The following ARAP2 variants were observed in gnomAD, a reference collection of about 807,000 sequenced individuals.
The protein encoded by ARAP2 is arf-GAP with Rho-GAP domain, ANK repeat and PH domain-containing protein 2.
A neutral mutation model predicts 194.5 loss-of-function variants in ARAP2; 148 were observed. That is an observed-to-expected ratio of 0.76 (90% CI 0.67 to 0.87). ARAP2 has a LOEUF of 0.87. Ranked by LOEUF, ARAP2 falls within the 40% of genes least tolerant of loss-of-function variation. The pLI, the probability that ARAP2 is intolerant of heterozygous loss-of-function variation, is 0.00. For synonymous variants in ARAP2, 695 were observed against 683.5 expected (o/e 1.02, Z -0.26); for missense variants, 2,128 against 1,989.7 (o/e 1.07, Z -1.32).
chr4:36,098,277 A>T (rs1715875467), intron 27 of ARAP2, among the ~76,000 whole-genome samples: 1 of 151,966 alleles, frequency 6.6e-6, no homozygotes, highest in Non-Finnish European at 1.5e-5. Flanking sequence ...GCAATCAATC[A>T]TTATTCTTTC....
chr4:36,105,826 C>T (rs1718264020), intron 27 of ARAP2, among the ~76,000 whole-genome samples: 1 of 151,942 alleles, frequency 6.6e-6, no homozygotes, highest in African/African-American at 2.4e-5. Flanking sequence ...TAATTCTTAT[C>T]CATTTTTATT....
chr4:36,148,286 A>T, intron 17 of ARAP2, 119 bp downstream of exon 17: 1 of 681,752 alleles, frequency 1.5e-6, no homozygotes, highest in Non-Finnish European at 2.4e-6. Context: ...AATCTAATGA[A>T]GTATGAACTT....
intron 27 of ARAP2, among the ~76,000 whole-genome samples, chr4:36,102,555 TAAG>T (rs1202044969): frequency 1.3e-5 from 2 of 152,012 alleles, no homozygotes; most frequent in Non-Finnish European, 2.9e-5. Context: ...CAAGAAAAAC[TAAG>T]AAATGATATT....
chr4:36,228,637 G>A lies in ARAP2; in HGVS notation c.850C>T (p.Leu284=), dbSNP rs1179135692. ...LVSRPSRSFL[L]RHRPVPEIPG... is the part of the protein sequence containing the mutation. ...ATCTCTGGTACAGGTCGATGTCTTA[G>A]CAGAAAAGATCGAGATGGTCTTGAA... is the stretch of plus-strand genomic sequence containing the variant. Residue 284 remains leucine (L), a synonymous_variant, in exon 2 of 33, where the codon CTA becomes TTA. Transcript: ENST00000303965. 1 of 1,613,860 alleles carries A rather than the reference G, an allele frequency of 6.2e-7. No individual in the cohort carries two copies. The highest frequency in any genetic ancestry group is 8.5e-7 in the Non-Finnish European group (1 of 1,179,944).
intron 22 of ARAP2, among the ~76,000 whole-genome samples, chr4:36,123,035 G>C (rs1298795254): frequency 6.6e-6 from 1 of 151,802 alleles, no homozygotes; most frequent in Non-Finnish European, 1.5e-5. Context: ...AGCAGAGATG[G>C]TGCAAGTGCA....
chr4:36,115,694 T>G (rs1272748427), intron 25 of ARAP2, among the ~76,000 whole-genome samples: 5 of 152,040 alleles, frequency 3.3e-5, no homozygotes, highest in Non-Finnish European at 7.4e-5. Flanking sequence ...TCCATTCTTA[T>G]AAACTCGGAA....
At chr4:36,165,336 A>C (rs1470331291) in intron 10 of ARAP2, among the ~76,000 whole-genome samples, 1 of 152,212 alleles carries the variant, frequency 6.6e-6, no homozygotes, top group Non-Finnish European at 1.5e-5. Flanking sequence ...ATCTTGAACC[A>C]AAATTAACAT....
chr4:36,084,064 G>A (rs1230028005), intron 28 of ARAP2, among the ~76,000 whole-genome samples: 4 of 151,966 alleles, frequency 2.6e-5, no homozygotes, highest in East Asian at 1.9e-4. Context: ...AGGGGCTCTC[G>A]GCCTTCAGTC....
intron 28 of ARAP2, among the ~76,000 whole-genome samples, chr4:36,087,306 G>A (rs1432661244): frequency 1.3e-5 from 2 of 152,026 alleles, no homozygotes; most frequent in African/African-American, 4.8e-5. Flanking sequence ...TCTCTCATCT[G>A]CTTTTCAAAA....
chr4:36,150,059 T>C (rs1023183054), intron 16 of ARAP2, among the ~76,000 whole-genome samples: 2 of 152,202 alleles, frequency 1.3e-5, no homozygotes, highest in Non-Finnish European at 2.9e-5. Context: ...ATTTAAACCA[T>C]AGTAGATGTG....
intron 19 of ARAP2, among the ~76,000 whole-genome samples, chr4:36,144,663 G>A (rs923640227): frequency 6.6e-6 from 1 of 151,698 alleles, no homozygotes; most frequent in Non-Finnish European, 1.5e-5. Context: ...AGGAAAGGCA[G>A]GTTCAGATAA....
At chr4:36,219,079 G>A (rs1325108311) in intron 2 of ARAP2, among the ~76,000 whole-genome samples, 2 of 152,140 alleles carry the variant, frequency 1.3e-5, no homozygotes, top group African/African-American at 2.4e-5. Flanking sequence ...ACACACAAAT[G>A]TTGAGGGTAT....
intron 32 of ARAP2, among the ~76,000 whole-genome samples, chr4:36,069,964 A>G (rs1726436340): frequency 6.6e-6 from 1 of 152,022 alleles, no homozygotes; most frequent in South Asian, 2.1e-4. Context: ...TGCTCCAGCC[A>G]TGTAAGATGT....
chr4:36,230,651 G>A (rs1751271932), intron 1 of ARAP2, among the ~76,000 whole-genome samples: 1 of 152,132 alleles, frequency 6.6e-6, no homozygotes, highest in African/African-American at 2.4e-5. Context: ...ATGCATATGT[G>A]CAACTTTCTG....
intron 2 of ARAP2, among the ~76,000 whole-genome samples, chr4:36,056,952 T>G (rs995857259): frequency 6.6e-6 from 1 of 152,092 alleles, no homozygotes; most frequent in Non-Finnish European, 1.5e-5. Context: ...TACCTGATTT[T>G]TTTTTTTTAC....
chr4:36,215,303 C>T (rs6856982), intron 2 of ARAP2, among the ~76,000 whole-genome samples: 132,215 of 152,218 alleles, frequency 0.87, 57,595 homozygotes, highest in East Asian at 0.95. Context: ...TTTGGTCCAT[C>T]GATTTAAGAA....
chr4:36,112,161 C>T (rs952196825), intron 26 of ARAP2, among the ~76,000 whole-genome samples: 1 of 151,830 alleles, frequency 6.6e-6, no homozygotes, highest in African/African-American at 2.4e-5. Flanking sequence ...ACTTTTTTGC[C>T]CCACTTCAGT....
chr4:36,143,615 C>T (rs1377606190), intron 19 of ARAP2, among the ~76,000 whole-genome samples: 1 of 151,652 alleles, frequency 6.6e-6, no homozygotes, highest in East Asian at 1.9e-4. Context: ...TTGTTATTAT[C>T]AGATGATTAT....
intron 9 of ARAP2, among the ~76,000 whole-genome samples, chr4:36,010,806 A>G (rs1186904817): frequency 2.0e-5 from 3 of 152,176 alleles, no homozygotes; most frequent in Non-Finnish European, 4.4e-5. Flanking sequence ...ATGGTAAGAT[A>G]GCATTTCCTG....
Sources: gnomAD v4.1 joint callset for allele counts (sites outside exome capture counted in the v4.1 genomes callset) on GRCh38, gnomAD v4.1.1 for gene constraint, MANE v1.5 for transcripts, NCBI Gene and HGNC (gene_info 2026-07-23, HGNC 2026-07-21) for gene names.